The following SYNE1 variants were observed in gnomAD, a reference collection of about 807,000 sequenced individuals.
SYNE1 encodes nesprin-1.
A neutral mutation model predicts 1,111.0 loss-of-function variants in SYNE1; 616 were observed. That is an observed-to-expected ratio of 0.55 (90% CI 0.52 to 0.59). The LOEUF is 0.59. SYNE1 is among the 20% of genes least tolerant of loss of function. The pLI, the probability that SYNE1 is intolerant of heterozygous loss-of-function variation, is 0.00. For synonymous variants in SYNE1, 3,855 were observed against 3,825.8 expected, an observed-to-expected ratio of 1.01 and a Z score of -0.28; for missense variants, 10,006 against 10,417.0, an observed-to-expected ratio of 0.96 and a Z score of 1.72.
intron 66 of SYNE1, among the ~76,000 whole-genome samples, chr6:152,355,918 T>C (rs1437893549): frequency 6.6e-6 from 1 of 152,194 alleles, no homozygotes; most frequent in Non-Finnish European, 1.5e-5. Flanking sequence ...AAAATTTTTC[T>C]TCAAATATGA....
chr6:152,550,947 A>C (rs2128133093), intron 3 of SYNE1, among the ~76,000 whole-genome samples: 1 of 152,300 alleles, frequency 6.6e-6, no homozygotes, highest in East Asian at 1.9e-4. Context: ...AGTAATAATC[A>C]CAATAGAGAG....
intron 56 of SYNE1, among the ~76,000 whole-genome samples, chr6:152,379,698 A>G (rs1432889416): frequency 1.3e-5 from 2 of 152,218 alleles, no homozygotes; most frequent in African/African-American, 4.8e-5. Flanking sequence ...TCAAATCTGG[A>G]AGCAGACATA....
rs186220495 is a variant in SYNE1 at position 152,399,500 on chromosome 6, T to C, written c.7237+116A>G. The C allele has an allele frequency of 2.8e-4, 353 of 1,259,364 alleles. 2 individuals carry two copies. Among genetic ancestry groups the C allele is most frequent in the Middle Eastern group, 2.4e-3 (9 of 3,778 alleles). The allele number at this position is 1,259,364 out of a possible 1,614,324, so 78.0% of individuals were successfully genotyped here. On this transcript the variant is annotated intron_variant, in intron 48 of 145. Transcript: ENST00000367255. ...CTCAAATCGCAAAGCACAAACAAAT[T>C]TGAAATGACACCCTGGAAAGTTTCC...
chr6:152,524,422 C>T (rs1032588221), intron 5 of SYNE1, among the ~76,000 whole-genome samples: 2 of 152,076 alleles, frequency 1.3e-5, no homozygotes, highest in South Asian at 2.1e-4. Context: ...TGAATATTCA[C>T]ATAAAGATTC....
At chr6:152,614,290 AAAAC>A (rs1299660594) in intron 3 of SYNE1, among the ~76,000 whole-genome samples, 2 of 152,210 alleles carry the variant, frequency 1.3e-5, no homozygotes, top group Non-Finnish European at 2.9e-5. Context: ...TTACAAGAAA[AAAAC>A]AAACAACCCC....
chr6:152,324,678 CAGCTACT>C (rs1428813252), intron 81 of SYNE1, among the ~76,000 whole-genome samples: 20 of 152,032 alleles, frequency 1.3e-4, no homozygotes, highest in African/African-American at 4.8e-4. Flanking sequence ...CCTGTAGTCC[CAGCTACT>C]CGCTACTCGG....
chr6:152,435,624 A>AT, intron 33 of SYNE1: 1 of 374,854 alleles, frequency 2.7e-6, no homozygotes. Context: ...TAAAAAAATT[A>AT]TTTTAAATAT....
Position 152,326,396 on chromosome 6 carries a change from G to A in SYNE1, c.15193C>T (p.Pro5065Ser). The change falls in exon 79 of 146, where the codon CCA (proline) becomes TCA (serine). Residue 5065 changes from proline (P) to serine (S), a missense_variant. By Grantham distance (74) the Pro-to-Ser change is moderately conservative (BLOSUM62 -1). This residue lies in a region of SYNE1 where 4,955 missense variants were observed against 5,017.2 expected (regional missense o/e 0.99). Coordinates refer to ENST00000367255, the MANE Select transcript of SYNE1 (RefSeq NM_182961.4). ...LVATLDPLIK[P>S]TGKEDLEQKV... The stretch of plus-strand genomic sequence containing the variant: ...TGTTCTAGGTCTTCTTTGCCGGTTG[G>A]CTTGATGAGTGGGTCCAGGGTGGCT... The A allele has an allele frequency of 1.9e-6, 3 of 1,614,198 alleles. No individual in the cohort carries two copies. The highest frequency in any genetic ancestry group is 2.5e-6 in the Non-Finnish European group (3 of 1,180,044).
intron 100 of SYNE1, among the ~76,000 whole-genome samples, chr6:152,265,585 A>G (rs1318032960): frequency 6.6e-6 from 1 of 152,176 alleles, no homozygotes; most frequent in African/African-American, 2.4e-5. Flanking sequence ...ATTTACATAA[A>G]AATTTGTAAT....
intron 4 of SYNE1, among the ~76,000 whole-genome samples, chr6:152,532,167 T>C (rs565842137): frequency 6.6e-6 from 1 of 152,322 alleles, no homozygotes. Context: ...AGGTACAAAT[T>C]TCTACAAATC....
At chr6:152,186,967 GGAT>G (rs2070318881) in intron 128 of SYNE1, among the ~76,000 whole-genome samples, 1 of 152,070 alleles carries the variant, frequency 6.6e-6, no homozygotes, top group Non-Finnish European at 1.5e-5. Flanking sequence ...CAAAATTATA[GGAT>G]GATTTACTGT....
intron 16 of SYNE1, among the ~76,000 whole-genome samples, 192 bp from the exon 17 acceptor site, chr6:152,466,270 C>T (rs1355392847): frequency 6.6e-6 from 1 of 152,182 alleles, no homozygotes; most frequent in Non-Finnish European, 1.5e-5. Flanking sequence ...TGATTCCACG[C>T]TTTTGATTCT....
At chr6:152,472,919 T>C (rs1016362574) in intron 14 of SYNE1, among the ~76,000 whole-genome samples, 3 of 152,212 alleles carry the variant, frequency 2.0e-5, no homozygotes, top group African/African-American at 7.2e-5. Flanking sequence ...CAATATATTT[T>C]GAAATACCCT....
At chr6:152,496,879 C>T (rs1236424030) in intron 11 of SYNE1, among the ~76,000 whole-genome samples, 1 of 152,134 alleles carries the variant, frequency 6.6e-6, no homozygotes, top group Non-Finnish European at 1.5e-5. Context: ...GTGGTTTGTT[C>T]CTGCCCCACA....
intron 123 of SYNE1, among the ~76,000 whole-genome samples, chr6:152,213,154 C>T (rs2077852794): frequency 6.6e-6 from 1 of 152,164 alleles, no homozygotes; most frequent in South Asian, 2.1e-4. Flanking sequence ...CACCTGGAGA[C>T]ATTTGATAGA....
intron 98 of SYNE1, among the ~76,000 whole-genome samples, 188 bp from the exon 99 acceptor site, chr6:152,269,474 GAAC>G (rs1376611457): frequency 6.6e-6 from 1 of 152,224 alleles, no homozygotes; most frequent in African/African-American, 2.4e-5. Flanking sequence ...GCAGGAGCAA[GAAC>G]AACATACAGA....
At chr6:152,254,683 C>G (rs1220426981) in intron 104 of SYNE1, among the ~76,000 whole-genome samples, 197 bp downstream of exon 104, 3 of 152,118 alleles carry the variant, frequency 2.0e-5, no homozygotes, top group Non-Finnish European at 4.4e-5. Context: ...GGGTGGTTTT[C>G]TCAACCTTCC....
At chr6:152,206,448 G>A in intron 125 of SYNE1, 86 bp from the exon 126 acceptor site, 1 of 1,477,362 alleles carries the variant, frequency 6.8e-7, no homozygotes, top group South Asian at 1.2e-5. Context: ...CCTAACTTTT[G>A]CCCTCTTTCA....
At position 152,596,072 on chromosome 6, in the gene SYNE1, G is replaced by A. The variant is rs918922056; in HGVS notation, c.67+32193C>T. Among the ~76,000 whole-genome samples the A allele has an allele frequency of 1.6e-4, 18 of 111,718 alleles. 1 individual carries two copies. Among genetic ancestry groups the A allele is most frequent in the Non-Finnish European group, 8.4e-5 (5 of 59,210 alleles). The allele number at this position is 111,718 out of a possible 152,430, so 73.3% of individuals were successfully genotyped here. A position where few individuals can be genotyped will look rare whatever the true frequency, so the allele number is the denominator to read the frequency against. On this transcript the variant is annotated intron_variant, in intron 3 of 145. Coordinates refer to ENST00000367255, the MANE Select transcript of SYNE1 (RefSeq NM_182961.4). ...GATTCCTTGCACTTCTATCCCAAAA[G>A]AGTGTGCCTGGCAAAAAGGGCAATC... is the stretch of plus-strand genomic sequence containing the variant.
Sources: allele counts gnomAD v4.1 joint callset (sites outside exome capture counted in the v4.1 genomes callset), GRCh38; gene constraint gnomAD v4.1.1; regional missense constraint gnomAD v4.1.1; transcripts MANE v1.5; gene names NCBI Gene and HGNC (gene_info 2026-07-23, HGNC 2026-07-21).